THSD7A: variants seen among roughly 807,000 people sequenced by gnomAD.
THSD7A encodes thrombospondin type 1 domain containing 7A.
THSD7A carries 96 observed loss-of-function variants against 231.3 expected under a neutral mutation model. The observed-to-expected ratio is 0.41, with a 90% CI of 0.35 to 0.49. The LOEUF (loss-of-function observed/expected upper bound fraction) is 0.49. Among genes scored for constraint, THSD7A ranks in the 20% least tolerant of loss-of-function variants. THSD7A has a pLI of 0.05. For missense variants in THSD7A, 2,290 were observed against 2,070.2 expected, an observed-to-expected ratio of 1.11 and a Z score of -2.06; for synonymous variants, 940 against 743.3, an observed-to-expected ratio of 1.26 and a Z score of -4.30.
chr7:11,412,638 A>G lies in THSD7A; in HGVS notation c.3682+18T>C, dbSNP rs868714107. On this transcript the variant is annotated intron_variant, in intron 18 of 27. Transcript: ENST00000423059. ...AGGATTTGGACTTAACTCCGTGATC[A>G]GATGATGATCCATGTACCTGTTACA... 3.7e-6 allele frequency: 6 copies of G among 1,613,318 alleles called. No individual in the cohort carries two copies. Among genetic ancestry groups the G allele is most frequent in the Middle Eastern group, 3.3e-4 (2 of 6,052 alleles).
rs1217174528 is a variant in THSD7A at position 11,803,875 on chromosome 7, G to A, written c.190+27882C>T. ...CTCAGTAAATCTAATGCGTAGCCAA[G>A]GATAAAAACCAGTGCTCTATCACAC... On this transcript the variant is annotated intron_variant, in intron 1 of 27. Coordinates refer to ENST00000423059, the MANE Select transcript of THSD7A (RefSeq NM_015204.3). 3.3e-5 allele frequency among the ~76,000 whole-genome samples: 5 copies of A among 152,034 alleles called. No homozygotes were observed. The East Asian group carries it at 9.7e-4, about 29-fold the overall frequency.
At chr7:11,780,198 A>T (rs1266060348) in intron 1 of THSD7A, among the ~76,000 whole-genome samples, 3 of 152,198 alleles carry the variant, frequency 2.0e-5, no homozygotes, top group Non-Finnish European at 4.4e-5. Context: ...AATCGTATTC[A>T]TGAGGGCTCC....
chr7:11,621,498 G>T (rs1266007272), intron 2 of THSD7A, among the ~76,000 whole-genome samples: 2 of 151,852 alleles, frequency 1.3e-5, no homozygotes, highest in African/African-American at 2.4e-5. Context: ...ATTTTAAATT[G>T]CAGATTTGGT....
At chr7:11,645,198 CATA>C (rs1554259261) in intron 1 of THSD7A, among the ~76,000 whole-genome samples, 3 of 151,824 alleles carry the variant, frequency 2.0e-5, no homozygotes, top group African/African-American at 4.8e-5. Flanking sequence ...TGACTTTTAA[CATA>C]ATAATTTCCT....
At chr7:11,547,383 C>T (rs2128324870) in intron 4 of THSD7A, among the ~76,000 whole-genome samples, 1 of 152,288 alleles carries the variant, frequency 6.6e-6, no homozygotes, top group Middle Eastern at 3.4e-3. Context: ...CAAAACCCAA[C>T]TGTACGCTAT....
chr7:11,561,880 T>G (rs62434494), intron 4 of THSD7A, among the ~76,000 whole-genome samples: 1,785 of 152,092 alleles, frequency 0.012, 36 homozygotes, highest in Non-Finnish European at 0.013. Context: ...AAGAAACTGA[T>G]GCTCAAAAAG....
intron 10 of THSD7A, 29 bp downstream of exon 10, chr7:11,461,982 T>G (rs769498633): frequency 1.2e-6 from 2 of 1,608,542 alleles, no homozygotes; most frequent in South Asian, 1.1e-5. Flanking sequence ...GTTCAGCTCC[T>G]CCCTCACGAT....
At chr7:11,761,461 G>T (rs1209395782) in intron 1 of THSD7A, among the ~76,000 whole-genome samples, 1 of 151,706 alleles carries the variant, frequency 6.6e-6, no homozygotes, top group South Asian at 2.1e-4. Flanking sequence ...TTTTCATAAA[G>T]GGCATCATTT....
At chr7:11,738,739 G>C (rs141973569) in intron 1 of THSD7A, among the ~76,000 whole-genome samples, 2 of 152,126 alleles carry the variant, frequency 1.3e-5, no homozygotes, top group Non-Finnish European at 2.9e-5. Flanking sequence ...TGGCCTTGAA[G>C]ATGGAAGAAA....
At chr7:11,639,302 T>C (rs1781986245) in intron 1 of THSD7A, among the ~76,000 whole-genome samples, 1 of 152,208 alleles carries the variant, frequency 6.6e-6, no homozygotes, top group Non-Finnish European at 1.5e-5. Context: ...CAAATGATTT[T>C]TTATAGCAAA....
At chr7:11,795,040 A>T (rs1057428298) in intron 1 of THSD7A, among the ~76,000 whole-genome samples, 4 of 152,004 alleles carry the variant, frequency 2.6e-5, no homozygotes, top group African/African-American at 9.7e-5. Context: ...ATGGTATTCT[A>T]TCTAAAAGTT....
At chr7:11,422,737 C>T (rs1468977838) in intron 16 of THSD7A, among the ~76,000 whole-genome samples, 2 of 152,178 alleles carry the variant, frequency 1.3e-5, no homozygotes, top group Non-Finnish European at 2.9e-5. Context: ...ACTGCAACCT[C>T]TACCTCCTGG....
At chr7:11,500,447 T>G (rs1341764750) in intron 6 of THSD7A, among the ~76,000 whole-genome samples, 1 of 151,844 alleles carries the variant, frequency 6.6e-6, no homozygotes, top group Admixed American at 6.6e-5. Flanking sequence ...AATGATAGGG[T>G]CAAATCCATA....
chr7:11,406,957 G>C lies in THSD7A; in HGVS notation c.4015C>G (p.Pro1339Ala). 1 of 1,613,848 alleles carries C rather than the reference G, an allele frequency of 6.2e-7. No homozygotes were observed. The highest frequency in any genetic ancestry group is 8.5e-7 in the Non-Finnish European group (1 of 1,179,844). ...TGGCCATATTGCCACCGATAACAAG[G>C]CTTCACTGGGCAGGGTTTGGACTGG... Reference protein sequence around the residue: ...MDQSKPCPVKPCYRWQYGQWS... With the variant: ...MDQSKPCPVKACYRWQYGQWS... Residue 1339 changes from proline (P) to alanine (A), a missense_variant, in exon 21 of 28, where the codon CCT becomes GCT. By Grantham distance (27) the Pro-to-Ala change is conservative (BLOSUM62 -1). Transcript: ENST00000423059. This position sits in a 1 kb window ranked among gnomAD's most constrained non-coding sequence, Gnocchi z 4.7.
rs1054320848 is a variant in THSD7A at position 11,377,726 on chromosome 7, T to C, written c.4802-1069A>G. On this transcript the variant is annotated intron_variant, in intron 26 of 27. Transcript: ENST00000423059. The surrounding 1 kb of genome is among the most constrained non-coding windows in gnomAD (Gnocchi z 4.5). ...CGATTGAGGATCTCTGTTGAGAGTTTCTTCAACAAATGTTTTTTGGGGTTT... is the reference window on the plus strand; with the variant it reads ...CGATTGAGGATCTCTGTTGAGAGTTCCTTCAACAAATGTTTTTTGGGGTTT... Among the ~76,000 whole-genome samples, 2 of 152,128 alleles carry C rather than the reference T, an allele frequency of 1.3e-5. No homozygotes were observed. The highest frequency in any genetic ancestry group is 2.4e-5 in the African/African-American group (1 of 41,446).
At chr7:11,463,824 A>T (rs1326636130) in intron 9 of THSD7A, among the ~76,000 whole-genome samples, 1 of 152,216 alleles carries the variant, frequency 6.6e-6, no homozygotes, top group Non-Finnish European at 1.5e-5. Context: ...AGGACTTTTA[A>T]TAAATTGCTA....
intron 2 of THSD7A, among the ~76,000 whole-genome samples, chr7:11,617,597 T>C (rs567882176): frequency 6.6e-6 from 1 of 152,304 alleles, no homozygotes; most frequent in South Asian, 2.1e-4. Flanking sequence ...CAAATAACAC[T>C]AATACTTCAC....
rs908553341 is a variant in THSD7A, at chr7:11,703,273, G to A, written c.191-66312C>T. Among the ~76,000 whole-genome samples the A allele has an allele frequency of 7.3e-5, 11 of 151,184 alleles. 1 individual carries two copies. The highest frequency in any genetic ancestry group is 1.3e-4 in the Non-Finnish European group (9 of 67,464). ...TGTCTTAATTTGCCTAATAACAGAC[G>A]TAGGAACACATCTGCAAAGTATCAA... On this transcript the variant is annotated intron_variant, in intron 1 of 27. Coordinates refer to ENST00000423059, the MANE Select transcript of THSD7A (RefSeq NM_015204.3).
At chr7:11,379,835 G>T in intron 24 of THSD7A, 123 bp from the exon 25 acceptor site, 2 of 1,025,388 alleles carry the variant, frequency 2.0e-6, no homozygotes, top group Non-Finnish European at 2.9e-6. Flanking sequence ...TTTTCTGTCA[G>T]TGGTTGACTG....
Sources: gnomAD v4.1 joint callset for allele counts (sites outside exome capture counted in the v4.1 genomes callset) on GRCh38, gnomAD v4.1.1 for gene constraint, Gnocchi (gnomAD v3.1) non-coding constraint, MANE v1.5 for transcripts, NCBI Gene and HGNC (gene_info 2026-07-23, HGNC 2026-07-21) for gene names.